The following GABRG3 variants were observed in gnomAD, a reference collection of about 807,000 sequenced individuals.
GABRG3 encodes gamma-aminobutyric acid type A receptor subunit gamma3.
GABRG3 carries 25 observed loss-of-function variants against 48.8 expected under a neutral mutation model. The observed-to-expected ratio is 0.51, with a 90% confidence interval of 0.37 to 0.72. GABRG3 has a LOEUF of 0.72. GABRG3 is among the 30% of genes least tolerant of loss of function. The pLI is 0.00. For missense variants in GABRG3, 394 were observed against 577.9 expected, an observed-to-expected ratio of 0.68 and a Z score of 3.26; for synonymous variants, 227 against 217.6, an observed-to-expected ratio of 1.04 and a Z score of -0.38.
In GABRG3 at chr15:27,264,679, A is replaced by C. The variant is rs554035266; in HGVS notation, c.271-62130A>C. ...AAACTACAATCCAAACAACAACAAA[A>C]AAGTAAACTCACCACACCTAAGTCA... On this transcript the variant is annotated intron_variant, in intron 3 of 9. Coordinates refer to ENST00000615808, the MANE Select transcript of GABRG3 (RefSeq NM_033223.5). Among the ~76,000 whole-genome samples the C allele has an allele frequency of 3.9e-5, 6 of 152,138 alleles. No homozygotes were observed. In the South Asian group the frequency reaches 1.2e-3, roughly 32 times the overall value.
At chr15:27,483,956 C>T (rs1313361781) in intron 6 of GABRG3, among the ~76,000 whole-genome samples, 8 of 151,896 alleles carry the variant, frequency 5.3e-5, no homozygotes, top group East Asian at 1.9e-4. Context: ...TTTTTTGAGA[C>T]GGAGTTTCAC....
intron 3 of GABRG3, among the ~76,000 whole-genome samples, chr15:27,098,573 TAAG>T (rs1897304876): frequency 6.6e-6 from 1 of 152,164 alleles, no homozygotes; most frequent in Non-Finnish European, 1.5e-5. Flanking sequence ...CGTTTTTAAA[TAAG>T]AAGTTTGACA....
intron 3 of GABRG3, among the ~76,000 whole-genome samples, chr15:27,301,366 A>G (rs920032768): frequency 5.3e-5 from 8 of 152,094 alleles, no homozygotes; most frequent in South Asian, 2.1e-4. Context: ...AGTTTATTCT[A>G]TTTCACTGCT....
intron 3 of GABRG3, among the ~76,000 whole-genome samples, chr15:27,315,524 A>AT (rs1262592281): frequency 6.6e-6 from 1 of 152,218 alleles, no homozygotes; most frequent in Non-Finnish European, 1.5e-5. Flanking sequence ...AGGAAAACGT[A>AT]TTATATAGAC....
intron 2 of GABRG3, among the ~76,000 whole-genome samples, chr15:27,016,725 C>CAA (rs1171389210): frequency 2.1e-4 from 32 of 152,204 alleles, no homozygotes; most frequent in African/African-American, 7.7e-4. Context: ...TCGCATAATG[C>CAA]ATATGTTATT....
At chr15:27,356,905 A>G (rs975595076) in intron 5 of GABRG3, among the ~76,000 whole-genome samples, 1 of 152,244 alleles carries the variant, frequency 6.6e-6, no homozygotes, top group African/African-American at 2.4e-5. Flanking sequence ...GCAGGTAAGC[A>G]ATGAAGTAAA....
chr15:27,023,425 C>A (rs747277193), intron 2 of GABRG3, among the ~76,000 whole-genome samples: 12 of 151,240 alleles, frequency 7.9e-5, no homozygotes, highest in Non-Finnish European at 1.5e-4. Context: ...GAACTCTTTT[C>A]ATCTTGCAGA....
At chr15:27,088,132 C>G (rs1024163148) in intron 3 of GABRG3, among the ~76,000 whole-genome samples, 1 of 150,548 alleles carries the variant, frequency 6.6e-6, no homozygotes, top group Non-Finnish European at 1.5e-5. Flanking sequence ...TGTGTGCACG[C>G]ATGTGTGTGG....
chr15:27,231,181 G>T (rs1889786784), intron 3 of GABRG3, among the ~76,000 whole-genome samples: 1 of 152,130 alleles, frequency 6.6e-6, no homozygotes, highest in Non-Finnish European at 1.5e-5. Flanking sequence ...CTACACTGGA[G>T]CTATTGTATC....
intron 3 of GABRG3, among the ~76,000 whole-genome samples, chr15:27,057,629 C>T (rs1377872369): frequency 2.0e-5 from 3 of 152,072 alleles, no homozygotes; most frequent in Admixed American, 1.3e-4. Flanking sequence ...GTGTCCTGGC[C>T]GCCAGGTCAC....
chr15:27,491,394 T>C (rs1007968229), intron 6 of GABRG3, among the ~76,000 whole-genome samples: 1 of 152,234 alleles, frequency 6.6e-6, no homozygotes, highest in Non-Finnish European at 1.5e-5. Flanking sequence ...CCCAGTCCAG[T>C]CCTGGCTAGG....
At chr15:27,445,658 AT>A (rs1418429495) in intron 5 of GABRG3, among the ~76,000 whole-genome samples, 1 of 152,138 alleles carries the variant, frequency 6.6e-6, no homozygotes, top group Non-Finnish European at 1.5e-5. Flanking sequence ...CTTAATGATA[AT>A]TTTTGAGGTG....
intron 3 of GABRG3, among the ~76,000 whole-genome samples, chr15:27,226,889 G>A (rs555600739): frequency 7.3e-4 from 111 of 152,232 alleles, no homozygotes; most frequent in African/African-American, 2.5e-3. Context: ...CCTAGGATAC[G>A]TTGTCCCTCA....
intron 5 of GABRG3, among the ~76,000 whole-genome samples, chr15:27,390,272 C>G (rs1398897302): frequency 6.6e-6 from 1 of 152,162 alleles, no homozygotes; most frequent in Admixed American, 6.5e-5. Context: ...AACATTAGTT[C>G]TGTAGAAATT....
chr15:27,100,238 T>C (rs557664997), intron 3 of GABRG3, among the ~76,000 whole-genome samples: 4 of 131,336 alleles, frequency 3.0e-5, no homozygotes, highest in African/African-American at 1.2e-4. Flanking sequence ...AAAAAAAAAA[T>C]CAGAATTAAT....
intron 3 of GABRG3, among the ~76,000 whole-genome samples, chr15:27,276,796 C>G (rs140350115): frequency 6.6e-6 from 1 of 152,096 alleles, no homozygotes; most frequent in South Asian, 2.1e-4. Context: ...AAAGCAAAGT[C>G]GAAGCAGGCT....
intron 2 of GABRG3, among the ~76,000 whole-genome samples, chr15:27,003,846 G>C (rs1011513729): frequency 4.7e-5 from 6 of 127,302 alleles, no homozygotes; most frequent in South Asian, 2.5e-4. Context: ...CTGGCCGGGC[G>C]GGGGGGGCTG....
chr15:27,214,069 TCA>T (rs748732341), intron 3 of GABRG3, among the ~76,000 whole-genome samples: 48 of 152,342 alleles, frequency 3.2e-4, no homozygotes, highest in Admixed American at 2.6e-4. Context: ...TGATTGAGTC[TCA>T]GTCTTGCTAA....
At chr15:27,234,583 C>T (rs909044199) in intron 3 of GABRG3, among the ~76,000 whole-genome samples, 8 of 152,062 alleles carry the variant, frequency 5.3e-5, no homozygotes, top group Admixed American at 3.3e-4. Context: ...TACACATTCT[C>T]GGTTCTGGAG....
Sources: gnomAD v4.1 joint callset for allele counts (sites outside exome capture counted in the v4.1 genomes callset) on GRCh38, gnomAD v4.1.1 for gene constraint, MANE v1.5 for transcripts, NCBI Gene and HGNC (gene_info 2026-07-23, HGNC 2026-07-21) for gene names.